Variants in BABAM2 observed in about 807,000 individuals in gnomAD.
BABAM2 encodes BRISC and BRCA1-A complex member 2.
A neutral mutation model predicts 54.7 loss-of-function variants in BABAM2; 31 were observed. The observed-to-expected ratio is 0.57, with a 90% confidence interval of 0.43 to 0.77. BABAM2 has a LOEUF of 0.77. Among genes scored for constraint, BABAM2 ranks in the 30% least tolerant of loss-of-function variants. The pLI is 0.00. For missense variants in BABAM2, 364 were observed against 455.8 expected (o/e 0.80, Z 1.83); for synonymous variants, 167 against 162.9 (o/e 1.03, Z -0.19).
chr2:28,329,210 G>A lies in BABAM2; in HGVS notation c.1089-9240G>A, dbSNP rs1690737813. The stretch of plus-strand genomic sequence containing the variant: ...ATGCTTCCTGAGCTAGAGGGCAGAG[G>A]GGTGGCCGAGAGGAACAGGCCTTCA... On this transcript the variant is annotated intron_variant, in intron 11 of 11. Coordinates refer to ENST00000379624, the MANE Select transcript of BABAM2 (RefSeq NM_199191.3). The surrounding 1 kb of genome is among the most constrained non-coding windows in gnomAD (Gnocchi z 4.2). Among the ~76,000 whole-genome samples, 1 of 152,280 alleles carries A rather than the reference G, an allele frequency of 6.6e-6. No individual in the cohort carries two copies. The highest frequency in any genetic ancestry group is 2.1e-4 in the South Asian group (1 of 4,822).
chr2:28,319,088 A>G (rs1689807262), intron 11 of BABAM2, among the ~76,000 whole-genome samples: 1 of 152,208 alleles, frequency 6.6e-6, no homozygotes, highest in South Asian at 2.1e-4. Flanking sequence ...GCAAATTAGG[A>G]AGGAAGAAAT....
intron 2 of BABAM2, among the ~76,000 whole-genome samples, chr2:27,919,588 T>A (rs1667211560): frequency 6.6e-6 from 1 of 152,250 alleles, no homozygotes; most frequent in African/African-American, 2.4e-5. Context: ...ACACTTGTAC[T>A]TATTAAGATA....
At chr2:27,970,502 A>G (rs1671133284) in intron 3 of BABAM2, among the ~76,000 whole-genome samples, 1 of 152,156 alleles carries the variant, frequency 6.6e-6, no homozygotes, top group Non-Finnish European at 1.5e-5. Flanking sequence ...ATCTATCTCT[A>G]AATCTTTGAG....
intron 10 of BABAM2, among the ~76,000 whole-genome samples, chr2:28,263,788 C>T (rs1255260130): frequency 6.6e-6 from 1 of 152,186 alleles, no homozygotes; most frequent in African/African-American, 2.4e-5. Flanking sequence ...TGAGGTGCTA[C>T]GGGGCTCCCC....
At chr2:27,916,113 A>G (rs1038942639) in intron 2 of BABAM2, among the ~76,000 whole-genome samples, 1 of 152,232 alleles carries the variant, frequency 6.6e-6, no homozygotes, top group East Asian at 1.9e-4. Context: ...AATCAGAGCT[A>G]TTGGAGCATG....
chr2:27,959,495 A>G (rs1670315403), intron 3 of BABAM2, among the ~76,000 whole-genome samples: 1 of 151,768 alleles, frequency 6.6e-6, no homozygotes. Context: ...AGTCTAATAT[A>G]TTTCACTTTT....
intron 2 of BABAM2, among the ~76,000 whole-genome samples, chr2:27,926,556 G>A (rs1425790227): frequency 6.6e-6 from 1 of 152,142 alleles, no homozygotes; most frequent in Non-Finnish European, 1.5e-5. Context: ...TCTTGCTTCA[G>A]TGCAGCACCC....
intron 5 of BABAM2, among the ~76,000 whole-genome samples, chr2:28,040,051 T>C (rs538542349): frequency 3.9e-4 from 60 of 152,224 alleles, no homozygotes; most frequent in Non-Finnish European, 6.8e-4. Flanking sequence ...AAGCAATCTT[T>C]GACATTACAA....
At chr2:28,207,741 G>T (rs1679020922) in intron 7 of BABAM2, among the ~76,000 whole-genome samples, 1 of 152,100 alleles carries the variant, frequency 6.6e-6, no homozygotes, top group Non-Finnish European at 1.5e-5. Flanking sequence ...CATTTTGATG[G>T]TTATTTCTGG....
intron 6 of BABAM2, among the ~76,000 whole-genome samples, chr2:28,119,181 G>C (rs578247738): frequency 2.3e-4 from 35 of 152,250 alleles, no homozygotes; most frequent in Admixed American, 6.5e-4. Flanking sequence ...TGTTCTTTTT[G>C]CTTAGGATTG....
intron 11 of BABAM2, among the ~76,000 whole-genome samples, chr2:28,330,442 C>G (rs946980390): frequency 6.6e-6 from 1 of 152,220 alleles, no homozygotes; most frequent in Non-Finnish European, 1.5e-5. Context: ...CCCATTGTCT[C>G]AGCCCAAAAG....
chr2:28,254,268 C>T, intron 10 of BABAM2, among the ~76,000 whole-genome samples: 1 of 152,154 alleles, frequency 6.6e-6, no homozygotes, highest in South Asian at 2.1e-4. Flanking sequence ...TCCCAAGTAT[C>T]TGGGACTACA....
intron 6 of BABAM2, among the ~76,000 whole-genome samples, chr2:28,098,798 A>G (rs935016889): frequency 2.6e-5 from 4 of 152,240 alleles, no homozygotes. Flanking sequence ...ATAAGAAAAA[A>G]TAATGTTAGA....
At chr2:28,244,580 T>C (rs1262797471) in intron 9 of BABAM2, among the ~76,000 whole-genome samples, 200 bp from the exon 10 acceptor site, 3 of 152,212 alleles carry the variant, frequency 2.0e-5, no homozygotes, top group Admixed American at 6.5e-5. Context: ...AGATAGTCAA[T>C]GGCAAAGCTG....
At chr2:28,159,815 G>A (rs72814497) in intron 7 of BABAM2, among the ~76,000 whole-genome samples, 33,046 of 151,492 alleles carry the variant, frequency 0.22, 4,575 homozygotes, top group Non-Finnish European at 0.32. Flanking sequence ...GGAGGCAGAG[G>A]TTGTGAGTCG....
intron 7 of BABAM2, among the ~76,000 whole-genome samples, chr2:28,176,474 G>T (rs1260059615): frequency 7.1e-6 from 1 of 140,222 alleles, no homozygotes; most frequent in African/African-American, 2.7e-5. Flanking sequence ...GGAGGCTGAG[G>T]CCCAAGAATC....
chr2:28,263,279 C>T (rs1684699533), intron 10 of BABAM2, among the ~76,000 whole-genome samples: 1 of 152,012 alleles, frequency 6.6e-6, no homozygotes. Context: ...AAATACTTTA[C>T]AATAATTCCA....
chr2:28,125,377 T>G (rs1669429681), intron 6 of BABAM2, among the ~76,000 whole-genome samples: 1 of 152,172 alleles, frequency 6.6e-6, no homozygotes, highest in Non-Finnish European at 1.5e-5. Context: ...CACTGCAATC[T>G]CCGCCTCCCG....
Position 28,191,214 on chromosome 2 carries a change from A to G in BABAM2, c.681-45988A>G, listed in dbSNP as rs536033576. ...AAAGCCACAATGAGATTAATACTAT[A>G]CACCTACTAGAATGGGTAAAATTTA... On this transcript the variant is annotated intron_variant, in intron 7 of 11. Transcript: ENST00000379624. 6.8e-4 allele frequency among the ~76,000 whole-genome samples: 104 copies of G among 152,372 alleles called. 1 individual carries two copies. Among genetic ancestry groups the G allele is most frequent in the Middle Eastern group, 6.8e-3 (2 of 294 alleles).
Sources: gnomAD v4.1 joint callset for allele counts (sites outside exome capture counted in the v4.1 genomes callset) on GRCh38, gnomAD v4.1.1 for gene constraint, Gnocchi (gnomAD v3.1) non-coding constraint, MANE v1.5 for transcripts, NCBI Gene and HGNC (gene_info 2026-07-23, HGNC 2026-07-21) for gene names.